Variants in MRPL30 observed in about 807,000 individuals in gnomAD.
MRPL30 encodes the protein mitochondrial ribosomal protein L30.
MRPL30 carries 10 observed loss-of-function variants against 17.2 expected under a neutral mutation model. That is an observed-to-expected ratio of 0.58 (90% CI 0.36 to 0.99). The LOEUF (loss-of-function observed/expected upper bound fraction) is 0.99. Among genes scored for constraint, MRPL30 ranks in the 50% least tolerant of loss-of-function variants. The pLI is 0.01. For missense variants in MRPL30, 170 were observed against 189.8 expected, an observed-to-expected ratio of 0.90 and a Z score of 0.61; for synonymous variants, 61 against 62.1, an observed-to-expected ratio of 0.98 and a Z score of 0.08.
Position 99,195,716 on chromosome 2 carries a change from G to T in MRPL30, c.*11G>T, listed in dbSNP as rs1350519977. On this transcript the variant is annotated 3_prime_UTR_variant, in exon 6 of 6. Coordinates refer to ENST00000338148, the MANE Select transcript of MRPL30 (RefSeq NM_145212.4). ...GCACATGAGTCCTAATGCCCCAGCA[G>T]CTTCCGATTGGAAAATGCAAATTGT... 20 of 1,608,364 alleles carry T rather than the reference G, an allele frequency of 1.2e-5. No homozygotes were observed. Among genetic ancestry groups the T allele is most frequent in the Non-Finnish European group, 1.6e-5 (19 of 1,178,610 alleles).
chr2:99,189,959 C>CAAAA (rs35594540), intron 3 of MRPL30, among the ~76,000 whole-genome samples: 1 of 140,424 alleles, frequency 7.1e-6, no homozygotes. Flanking sequence ...CAGTCTCTAC[C>CAAAA]AAAAAAAAAA....
At chr2:99,195,525 A>G in intron 5 of MRPL30, 48 bp from the exon 6 acceptor site, 1 of 1,562,112 alleles carries the variant, frequency 6.4e-7, no homozygotes. Context: ...GGGATATAGA[A>G]CGCTAGAACG....
rs1364626818 is a variant in MRPL30 at position 99,199,075 on chromosome 2, A to G, written c.*3370A>G. Among the ~76,000 whole-genome samples, 1 of 152,070 alleles carries G rather than the reference A, an allele frequency of 6.6e-6. No individual in the cohort carries two copies. The highest frequency in any genetic ancestry group is 1.5e-5 in the Non-Finnish European group (1 of 68,012). On this transcript the variant is annotated 3_prime_UTR_variant, in exon 6 of 6. Transcript: ENST00000338148. ...ACATGAACAAGATTGCTTCTTTGGG[A>G]GGTACCTTAAAATGAAAAGCAAAGA... is the stretch of plus-strand genomic sequence containing the variant.
intron 1 of MRPL30, among the ~76,000 whole-genome samples, chr2:99,182,602 G>A (rs2093926614): frequency 6.6e-6 from 1 of 152,230 alleles, no homozygotes; most frequent in Non-Finnish European, 1.5e-5. Flanking sequence ...GTCAAACGTG[G>A]TGACACACAC....
rs746631196 is a variant in MRPL30 at position 99,194,742 on chromosome 2, C to T, written c.133-9C>T. ...GGAAATTTACCATTTATAATTCTTT[C>T]CTTTCTAGGTGTTTCAGGCCTCACC... On this transcript the variant is annotated splice_polypyrimidine_tract_variant and intron_variant, in intron 3 of 5. Coordinates refer to ENST00000338148, the MANE Select transcript of MRPL30 (RefSeq NM_145212.4). 2 of 1,565,768 alleles carry T rather than the reference C, an allele frequency of 1.3e-6. No homozygotes were observed. The highest frequency in any genetic ancestry group is 1.7e-6 in the Non-Finnish European group (2 of 1,166,496).
intron 2 of MRPL30, among the ~76,000 whole-genome samples, chr2:99,187,615 GGAGATCGA>G (rs1439995204): frequency 6.6e-6 from 1 of 152,138 alleles, no homozygotes; most frequent in Non-Finnish European, 1.5e-5. Context: ...CACGAGGTCA[GGAGATCGA>G]GACCATCCTG....
Position 99,195,188 on chromosome 2 carries a change from A to C in MRPL30, c.352A>C (p.Arg118=). The part of the protein sequence containing the change: ...AKLKVVKHLI[R]IKPLKLPQGL... ...ATTGAAAGTAGTTAAGCATTTGATA[A>C]GGTTTGTTGTTTCTTCTCAGCTCTT... Residue 118 remains arginine (R), a splice_region_variant and synonymous_variant, in exon 5 of 6, where the codon AGA becomes CGA. Coordinates refer to ENST00000338148, the MANE Select transcript of MRPL30 (RefSeq NM_145212.4). 1 of 1,602,772 alleles carries C rather than the reference A, an allele frequency of 6.2e-7. No individual in the cohort carries two copies. The highest frequency in any genetic ancestry group is 8.5e-7 in the Non-Finnish European group (1 of 1,173,568).
At chr2:99,191,248 AC>A (rs1015375914) in intron 3 of MRPL30, among the ~76,000 whole-genome samples, 3 of 150,692 alleles carry the variant, frequency 2.0e-5, no homozygotes, top group African/African-American at 7.3e-5. Flanking sequence ...CTCGTGATCC[AC>A]CCCCCTTGGC....
intron 2 of MRPL30, 103 bp downstream of exon 2, chr2:99,186,357 A>G (rs6757661): frequency 0.64 from 670,652 of 1,054,600 alleles, 217,491 homozygotes; most frequent in East Asian, 0.89. Flanking sequence ...TTTTGAGACG[A>G]AGTCTCTCTC....
chr2:99,194,130 T>C (rs1273331438), intron 3 of MRPL30, among the ~76,000 whole-genome samples: 6 of 152,192 alleles, frequency 3.9e-5, no homozygotes, highest in Admixed American at 2.0e-4. Context: ...ATAATGTAGT[T>C]ATCATGGTGA....
chr2:99,187,284 C>A (rs1034989281), intron 2 of MRPL30, among the ~76,000 whole-genome samples: 1 of 152,194 alleles, frequency 6.6e-6, no homozygotes, highest in Non-Finnish European at 1.5e-5. Flanking sequence ...GGCAGTGAAT[C>A]CTTTTTCTTC....
chr2:99,181,511 AGG>A (rs2093921518), intron 1 of MRPL30, among the ~76,000 whole-genome samples: 1 of 151,620 alleles, frequency 6.6e-6, no homozygotes, highest in Non-Finnish European at 1.5e-5. Flanking sequence ...GGAGCCGCCG[AGG>A]CTGGACAGCT....
At chr2:99,183,623 G>T (rs775779435) in intron 1 of MRPL30, among the ~76,000 whole-genome samples, 1 of 152,048 alleles carries the variant, frequency 6.6e-6, no homozygotes, top group Non-Finnish European at 1.5e-5. Flanking sequence ...AGCATTGGAG[G>T]TTTTAATTTT....
intron 2 of MRPL30, among the ~76,000 whole-genome samples, chr2:99,187,780 A>G (rs968097195): frequency 6.6e-6 from 1 of 151,966 alleles, no homozygotes; most frequent in Non-Finnish European, 1.5e-5. Flanking sequence ...GTGAGCCGAG[A>G]TTGCGCCAGT....
rs2093958416 is a variant in MRPL30 at position 99,198,358 on chromosome 2, A to C, written c.*2653A>C. On this transcript the variant is annotated 3_prime_UTR_variant, in exon 6 of 6. Coordinates refer to ENST00000338148, the MANE Select transcript of MRPL30 (RefSeq NM_145212.4). ...AAGGGATCTGCTCCCAAGCACTCTC[A>C]GGTTGTTGGCAGAATTTGTTTCCTT... Among the ~76,000 whole-genome samples, 1 of 152,246 alleles carries C rather than the reference A, an allele frequency of 6.6e-6. No individual in the cohort carries two copies. Among genetic ancestry groups the C allele is most frequent in the South Asian group, 2.1e-4 (1 of 4,834 alleles).
At chr2:99,184,554 T>C (rs2093930882) in intron 1 of MRPL30, among the ~76,000 whole-genome samples, 1 of 152,200 alleles carries the variant, frequency 6.6e-6, no homozygotes, top group African/African-American at 2.4e-5. Context: ...TGGAAGATTT[T>C]TGAGCAGAGT....
chr2:99,195,819 C>T lies in MRPL30; in HGVS notation c.*114C>T. 6.7e-7 allele frequency: 1 copy of T among 1,493,938 alleles called. No homozygotes were observed. The highest frequency in any genetic ancestry group is 9.0e-7 in the Non-Finnish European group (1 of 1,110,384). 92.5% of individuals were successfully genotyped at this position (1,493,938 alleles called of 1,614,324 possible). Reference sequence around the variant, plus strand: ...CATTTTCAGGCCGGGCACGGTGGCTCACCTGTAATCCCAGCACTTTGGGAG... The same window carrying T: ...CATTTTCAGGCCGGGCACGGTGGCTTACCTGTAATCCCAGCACTTTGGGAG... On this transcript the variant is annotated 3_prime_UTR_variant, in exon 6 of 6. Coordinates refer to ENST00000338148, the MANE Select transcript of MRPL30 (RefSeq NM_145212.4).
intron 1 of MRPL30, among the ~76,000 whole-genome samples, 170 bp downstream of exon 1, chr2:99,181,419 C>A (rs1460275816): frequency 4.6e-5 from 7 of 152,182 alleles, no homozygotes; most frequent in Non-Finnish European, 7.3e-5. Context: ...AGGCCATTGG[C>A]CTGCAGGATC....
In MRPL30 at chr2:99,195,165, T is replaced by A. The variant is rs2093953066; in HGVS notation, c.329T>A (p.Leu110Ter). The change falls in exon 5 of 6, where the codon TTG becomes TAG. Residue 110 changes from leucine to a stop codon, truncating the protein, a stop_gained. Coordinates refer to ENST00000338148, the MANE Select transcript of MRPL30 (RefSeq NM_145212.4). LOFTEE classifies it high-confidence loss of function. ...HKNIPSVNAK[L>*]KVVKHLIRIK... ...AATATCCCTTCAGTGAATGCAAAAT[T>A]GAAAGTAGTTAAGCATTTGATAAGG... 2.5e-6 allele frequency: 4 copies of A among 1,608,620 alleles called. No homozygotes were observed. Among genetic ancestry groups the A allele is most frequent in the Non-Finnish European group, 1.7e-6 (2 of 1,177,962 alleles).
Sources: gnomAD v4.1 joint callset for allele counts (sites outside exome capture counted in the v4.1 genomes callset) on GRCh38, gnomAD v4.1.1 for gene constraint, MANE v1.5 for transcripts, NCBI Gene and HGNC (gene_info 2026-07-23, HGNC 2026-07-21) for gene names.